The following NUMB variants were observed in gnomAD, a reference collection of about 807,000 sequenced individuals.
NUMB encodes the protein protein numb homolog.
In NUMB, 29 loss-of-function variants were observed where a neutral mutation model predicts 59.7. That is an observed-to-expected ratio of 0.49 (90% confidence interval 0.36 to 0.66). NUMB has a LOEUF of 0.66. Ranked by LOEUF, NUMB falls within the 30% of genes least tolerant of loss-of-function variation. The probability of loss-of-function intolerance (pLI) is 0.00; values close to 1 mark genes in which losing one functional copy is unlikely to be tolerated. For synonymous variants in NUMB, 288 were observed against 288.2 expected, an observed-to-expected ratio of 1.00 and a Z score of 0.01; for missense variants, 723 against 822.0, an observed-to-expected ratio of 0.88 and a Z score of 1.47.
At chr14:73,303,437 G>T (rs557535887) in intron 6 of NUMB, among the ~76,000 whole-genome samples, 37 of 151,928 alleles carry the variant, frequency 2.4e-4, no homozygotes, top group Non-Finnish European at 4.9e-4. Context: ...AAAATCAGCC[G>T]GGCGTGGTGA....
intron 1 of NUMB, among the ~76,000 whole-genome samples, chr14:73,416,798 C>T (rs1376687394): frequency 1.3e-5 from 2 of 151,960 alleles, no homozygotes; most frequent in African/African-American, 4.8e-5. Flanking sequence ...ATACAGACAG[C>T]AGGCAGGGAA....
chr14:73,287,055 T>A, intron 9 of NUMB, 55 bp downstream of exon 9: 1 of 1,532,104 alleles, frequency 6.5e-7, no homozygotes, highest in Non-Finnish European at 9.0e-7. Context: ...TTCAAAATAA[T>A]ACCTTGTTGG....
intron 1 of NUMB, among the ~76,000 whole-genome samples, chr14:73,441,076 C>T (rs1883031939): frequency 6.6e-6 from 1 of 151,844 alleles, no homozygotes; most frequent in African/African-American, 2.4e-5. Context: ...GAACTTATAT[C>T]CAGAATATAT....
chr14:73,311,129 G>A (rs1890754969), intron 6 of NUMB, among the ~76,000 whole-genome samples: 1 of 152,082 alleles, frequency 6.6e-6, no homozygotes, highest in African/African-American at 2.4e-5. Context: ...TGGGCTCACT[G>A]CAACCTCTGC....
At chr14:73,374,090 G>T (rs1415809963) in intron 2 of NUMB, among the ~76,000 whole-genome samples, 3 of 151,946 alleles carry the variant, frequency 2.0e-5, no homozygotes, top group Non-Finnish European at 4.4e-5. Flanking sequence ...GGCTGGTCTC[G>T]AACCCCTGAC....
intron 5 of NUMB, among the ~76,000 whole-genome samples, chr14:73,320,036 G>A (rs931682139): frequency 6.6e-6 from 1 of 152,090 alleles, no homozygotes; most frequent in Non-Finnish European, 1.5e-5. Context: ...GGAGGCTGAG[G>A]CAGGAGAATT....
At chr14:73,346,789 C>T (rs987804301) in intron 4 of NUMB, among the ~76,000 whole-genome samples, 2 of 152,088 alleles carry the variant, frequency 1.3e-5, no homozygotes, top group African/African-American at 4.8e-5. Flanking sequence ...AATAAAATTC[C>T]ATCAATCTCA....
chr14:73,449,297 T>C lies in NUMB; in HGVS notation c.-233+9196A>G, dbSNP rs117500999. On this transcript the variant is annotated intron_variant, in intron 1 of 12. Transcript: ENST00000555238. Reference sequence around the variant, plus strand: ...ACCTGTGCATCTATGGATTTTGGTATATTGGGGTCCTGGAATCAATCCCCC... The same window carrying C: ...ACCTGTGCATCTATGGATTTTGGTACATTGGGGTCCTGGAATCAATCCCCC... Among the ~76,000 whole-genome samples, 1,037 of 152,284 alleles carry C rather than the reference T, an allele frequency of 6.8e-3. 5 individuals carry two copies. The highest frequency in any genetic ancestry group is 0.029 in the South Asian group (142 of 4,818).
At chr14:73,331,980 T>C (rs1205720660) in intron 4 of NUMB, among the ~76,000 whole-genome samples, 1 of 152,198 alleles carries the variant, frequency 6.6e-6, no homozygotes, top group South Asian at 2.1e-4. Context: ...TATTTTACAT[T>C]AATATGGGGA....
At position 73,320,385 on chromosome 14, in the gene NUMB, T is replaced by C. The variant is rs115134047; in HGVS notation, c.201+2745A>G. On this transcript the variant is annotated intron_variant, in intron 5 of 12. Coordinates refer to ENST00000555238, the MANE Select transcript of NUMB (RefSeq NM_001005743.2). ...TTTAGAAAACAATCACCAACATATC[T>C]AAAACTTTCTTTTTTATTATTTATT... 3.2e-3 allele frequency among the ~76,000 whole-genome samples: 493 copies of C among 152,262 alleles called. 2 individuals carry two copies. Among genetic ancestry groups the C allele is most frequent in the African/African-American group, 9.2e-3 (383 of 41,538 alleles).
At position 73,352,514 on chromosome 14, in the gene NUMB, ATATATATATATATATG is replaced by A. The variant is rs1893430184; in HGVS notation, c.126+3096_126+3111del. On this transcript the variant is annotated intron_variant, in intron 4 of 12. Transcript: ENST00000555238. ...TATATATATATATATATATATATATATATATATATATATATGTTTTTTTTTTTTTTTTTTTTTTGAG... is the reference window on the plus strand; with the variant it reads ...TATATATATATATATATATATATATATTTTTTTTTTTTTTTTTTTTTTGAG... Among the ~76,000 whole-genome samples, 9 of 12,384 alleles carry A rather than the reference ATATATATATATATATG, an allele frequency of 7.3e-4. 1 individual carries two copies. Among genetic ancestry groups the A allele is most frequent in the Non-Finnish European group, 9.3e-4 (7 of 7,546 alleles). The allele number at this position is 12,384 out of a possible 152,430, so 8.1% of individuals were successfully genotyped here.
At chr14:73,353,069 CTTGTT>C (rs1893518869) in intron 4 of NUMB, among the ~76,000 whole-genome samples, 1 of 18,084 alleles carries the variant, frequency 5.5e-5, no homozygotes, top group Non-Finnish European at 1.0e-4. Context: ...CACAGTTTTT[CTTGTT>C]TTTTTTTTTT....
intron 12 of NUMB, among the ~76,000 whole-genome samples, chr14:73,278,798 G>A (rs1566722611): frequency 7.1e-6 from 1 of 140,222 alleles, no homozygotes; most frequent in African/African-American, 2.6e-5. Flanking sequence ...CGCAATCTTG[G>A]CTCACGGCAA....
intron 4 of NUMB, among the ~76,000 whole-genome samples, chr14:73,326,349 G>A (rs901032316): frequency 1.8e-4 from 27 of 151,924 alleles, no homozygotes; most frequent in Admixed American, 1.4e-3. Flanking sequence ...ACTGATGGCC[G>A]GTCGCGGTGG....
At position 73,394,070 on chromosome 14, in the gene NUMB, A is replaced by G. The variant is rs1895994586; in HGVS notation, c.-101+15867T>C. Among the ~76,000 whole-genome samples the G allele has an allele frequency of 2.0e-5, 3 of 151,860 alleles. No individual in the cohort carries two copies. The South Asian group carries it at 6.2e-4, about 32-fold the overall frequency. ...AGCCTCTGCCTCCCGGGTTCAAGCG[A>G]TTCTCCTGCCTTAGCCTCCCAAGTA... On this transcript the variant is annotated intron_variant, in intron 2 of 12. Transcript: ENST00000555238.
intron 4 of NUMB, among the ~76,000 whole-genome samples, chr14:73,332,903 T>G (rs1341772873): frequency 1.3e-5 from 2 of 152,078 alleles, no homozygotes; most frequent in African/African-American, 4.8e-5. Flanking sequence ...CATACTGTTT[T>G]CCAGGTTCAT....
chr14:73,376,835 C>G (rs1894971563), intron 2 of NUMB, among the ~76,000 whole-genome samples: 1 of 152,136 alleles, frequency 6.6e-6, no homozygotes, highest in Non-Finnish European at 1.5e-5. Context: ...TATAACTGTG[C>G]CTGTGAATCC....
rs1594946796 is a variant in NUMB at position 73,358,359 on chromosome 14, C to T, written c.-15-2593G>A. On this transcript the variant is annotated intron_variant, in intron 3 of 12. Coordinates refer to ENST00000555238, the MANE Select transcript of NUMB (RefSeq NM_001005743.2). Reference sequence around the variant, plus strand: ...TTCACACCACCTTCAAGACAAAGTTCAAATGCATGGTAAACACAGTCCTTC... The same window carrying T: ...TTCACACCACCTTCAAGACAAAGTTTAAATGCATGGTAAACACAGTCCTTC... Among the ~76,000 whole-genome samples the T allele has an allele frequency of 5.9e-5, 9 of 152,282 alleles. No individual in the cohort carries two copies. In the South Asian group the frequency reaches 1.9e-3, roughly 32 times the overall value.
At chr14:73,326,300 C>T (rs925651536) in intron 4 of NUMB, among the ~76,000 whole-genome samples, 3 of 151,986 alleles carry the variant, frequency 2.0e-5, no homozygotes, top group East Asian at 3.9e-4. Flanking sequence ...AGAATAGCAC[C>T]GCAGATCAGA....
Sources: gnomAD v4.1 joint callset for allele counts (sites outside exome capture counted in the v4.1 genomes callset) on GRCh38, gnomAD v4.1.1 for gene constraint, MANE v1.5 for transcripts, NCBI Gene and HGNC (gene_info 2026-07-23, HGNC 2026-07-21) for gene names.